Variants in OR56A3 observed in about 807,000 individuals in gnomAD.
OR56A3 encodes olfactory receptor 56A3.
OR56A3 carries 23 observed loss-of-function variants against 17.5 expected under a neutral mutation model. The observed-to-expected ratio is 1.32, with a 90% CI of 0.95 to 1.87. OR56A3 has a LOEUF of 1.87. Ranked by LOEUF, OR56A3 falls within the 40% of genes most tolerant of loss-of-function variation. The pLI is 0.00. For synonymous variants in OR56A3, 175 were observed against 150.6 expected (o/e 1.16, Z -1.19); for missense variants, 366 against 380.1 (o/e 0.96, Z 0.31).
chr11:5,999,737 A>G, the OR56A3 span: 1 of 152,224 alleles, frequency 6.6e-6, no homozygotes, highest in East Asian at 1.9e-4. Flanking sequence ...TGTTCAACAC[A>G]TTTTTATTTT....
the OR56A3 span, among the ~76,000 whole-genome samples, chr11:5,970,627 A>G: frequency 6.6e-6 from 1 of 152,158 alleles, no homozygotes; most frequent in Admixed American, 6.6e-5. Flanking sequence ...ACAAAAAGCA[A>G]TGTGAATACA....
chr11:5,985,668 T>A, the OR56A3 span, among the ~76,000 whole-genome samples: 1 of 152,280 alleles, frequency 6.6e-6, no homozygotes, highest in Non-Finnish European at 1.5e-5. Context: ...ATCATCTATT[T>A]CTCCTATCCC....
At chr11:6,018,646 G>A in the OR56A3 span, among the ~76,000 whole-genome samples, 1 of 151,734 alleles carries the variant, frequency 6.6e-6, no homozygotes, top group South Asian at 2.1e-4. Context: ...AATTAGAGTA[G>A]CAAAAACATG....
the OR56A3 span, among the ~76,000 whole-genome samples, chr11:6,014,458 C>G: frequency 6.6e-6 from 1 of 152,302 alleles, no homozygotes; most frequent in Non-Finnish European, 1.5e-5. Flanking sequence ...CTTGGTCATG[C>G]TCCTTCCATG....
the OR56A3 span, among the ~76,000 whole-genome samples, chr11:5,960,273 C>T: frequency 6.6e-6 from 1 of 151,780 alleles, no homozygotes; most frequent in African/African-American, 2.4e-5. Context: ...TTGCACGGTC[C>T]TCGTCTCCCC....
chr11:6,016,513 T>G, the OR56A3 span, among the ~76,000 whole-genome samples: 1 of 151,930 alleles, frequency 6.6e-6, no homozygotes, highest in East Asian at 1.9e-4. Context: ...AAAAATTCTT[T>G]CCTTACAAAA....
chr11:6,002,773 T>A, the OR56A3 span: 2 of 1,613,886 alleles, frequency 1.2e-6, no homozygotes, highest in Non-Finnish European at 1.7e-6. Context: ...CAGAGCACGA[T>A]GTCCAGCAGG....
the OR56A3 span, chr11:6,006,348 T>C: frequency 6.6e-6 from 1 of 152,244 alleles, no homozygotes; most frequent in African/African-American, 2.4e-5. Flanking sequence ...TTGTTGACCA[T>C]CTGGGGCATT....
At chr11:5,963,722 A>G in the OR56A3 span, among the ~76,000 whole-genome samples, 1 of 151,942 alleles carries the variant, frequency 6.6e-6, no homozygotes. Flanking sequence ...TCTTTTACCT[A>G]GATATTTATA....
At chr11:5,953,349 G>A (rs1354900478), downstream of OR56A3, among the ~76,000 whole-genome samples, 1 of 152,126 alleles carries the variant, frequency 6.6e-6, no homozygotes, top group Non-Finnish European at 1.5e-5. Context: ...CATTCTGACT[G>A]ATGTGAGATG....
the OR56A3 span, among the ~76,000 whole-genome samples, chr11:5,956,671 T>C: frequency 6.6e-6 from 1 of 152,192 alleles, no homozygotes; most frequent in African/African-American, 2.4e-5. Context: ...ATGCTCATGT[T>C]TGGAGTTCAC....
chr11:6,018,267 C>T, the OR56A3 span, among the ~76,000 whole-genome samples: 291 of 152,202 alleles, frequency 1.9e-3, 1 homozygote, highest in African/African-American at 6.7e-3. Flanking sequence ...TTTTATCCGA[C>T]AGCTGTAGAA....
rs1250038444 is a variant in OR56A3, at chr11:5,948,361, G to A, written c.*67G>A. The A allele has an allele frequency of 2.7e-6, 3 of 1,094,786 alleles. No individual in the cohort carries two copies. Among genetic ancestry groups the A allele is most frequent in the Admixed American group, 4.5e-5 (2 of 44,728 alleles). 67.8% of individuals were successfully genotyped at this position (1,094,786 alleles called of 1,614,324 possible). On this transcript the variant is annotated 3_prime_UTR_variant, in exon 3 of 3. Transcript: ENST00000641160. ...TATTAATCACTTAATGAGTGAGTGG[G>A]CTGAAATTCATATCTGTGACTTATA...
chr11:5,984,414 G>A, the OR56A3 span, among the ~76,000 whole-genome samples: 10 of 152,160 alleles, frequency 6.6e-5, no homozygotes, highest in African/African-American at 2.2e-4. Context: ...ATGGTTGGTG[G>A]CCCAGACAGT....
chr11:5,966,823 G>A, the OR56A3 span, among the ~76,000 whole-genome samples: 13 of 151,558 alleles, frequency 8.6e-5, no homozygotes, highest in Non-Finnish European at 1.8e-4. Flanking sequence ...GGAAAAGTCA[G>A]GTAGGATAGT....
chr11:5,971,235 A>C, the OR56A3 span, among the ~76,000 whole-genome samples: 1 of 152,140 alleles, frequency 6.6e-6, no homozygotes, highest in Non-Finnish European at 1.5e-5. Context: ...CCACCAAACT[A>C]CCTTGTATTT....
chr11:5,947,308 C>A lies in OR56A3; in HGVS notation c.-36-3C>A. 2 of 1,504,240 alleles carry A rather than the reference C, an allele frequency of 1.3e-6. No individual in the cohort carries two copies. The highest frequency in any genetic ancestry group is 1.8e-6 in the Non-Finnish European group (2 of 1,112,648). The allele number at this position is 1,504,240 out of a possible 1,614,324, so 93.2% of individuals were successfully genotyped here. Reference sequence around the variant, plus strand: ...CAGCTAGTTTGTAATCATAATTTTCCAGATCACTGAAAGAAAGCAGTAAAA... The same window carrying A: ...CAGCTAGTTTGTAATCATAATTTTCAAGATCACTGAAAGAAAGCAGTAAAA... On this transcript the variant is annotated splice_polypyrimidine_tract_variant and splice_region_variant and intron_variant, in intron 2 of 2. Coordinates refer to ENST00000641160, the MANE Select transcript of OR56A3 (RefSeq NM_001003443.3).
the OR56A3 span, among the ~76,000 whole-genome samples, chr11:6,012,238 G>C: frequency 6.6e-6 from 1 of 152,230 alleles, no homozygotes; most frequent in Non-Finnish European, 1.5e-5. Context: ...TTGAGCAATA[G>C]AACAGCTCAG....
At chr11:5,977,195 C>T in the OR56A3 span, among the ~76,000 whole-genome samples, 2 of 152,138 alleles carry the variant, frequency 1.3e-5, no homozygotes, top group South Asian at 2.1e-4. Context: ...GTATCTTCAT[C>T]GTAGAACTAT....
Sources: gnomAD v4.1 joint callset for allele counts (sites outside exome capture counted in the v4.1 genomes callset) on GRCh38, gnomAD v4.1.1 for gene constraint, MANE v1.5 for transcripts, NCBI Gene and HGNC (gene_info 2026-07-23, HGNC 2026-07-21) for gene names.